ASAP1: variants seen among roughly 807,000 people sequenced by gnomAD.
ASAP1 encodes the protein ArfGAP with SH3 domain, ankyrin repeat and PH domain 1, also known as arf-GAP with SH3 domain, ANK repeat and PH domain-containing protein 1.
A neutral mutation model predicts 145.2 loss-of-function variants in ASAP1; 43 were observed. The ratio of observed to expected loss-of-function variants is 0.30; its 90% confidence interval spans 0.23 to 0.38. The LOEUF is 0.38. Ranked by LOEUF, ASAP1 falls within the 10% of genes least tolerant of loss-of-function variation. The pLI, the probability that ASAP1 is intolerant of heterozygous loss-of-function variation, is 1.00. For synonymous variants in ASAP1, 546 were observed against 515.5 expected (o/e 1.06, Z -0.80); for missense variants, 1,018 against 1,355.3 (o/e 0.75, Z 3.91).
rs941125745 is a variant in ASAP1, at chr8:130,226,336, T to G, written c.259+10586A>C. Among the ~76,000 whole-genome samples the G allele has an allele frequency of 2.0e-5, 3 of 152,190 alleles. No individual in the cohort carries two copies. The South Asian group carries it at 6.2e-4, about 31-fold the overall frequency. On this transcript the variant is annotated intron_variant, in intron 4 of 29. Transcript: ENST00000518721. ...GATTTGGGGTCTAAACTCTTTATTT[T>G]CTTATCTATAACACTAATTTGGAAA...
chr8:130,216,077 G>C (rs1292322422), intron 4 of ASAP1, among the ~76,000 whole-genome samples: 1 of 150,824 alleles, frequency 6.6e-6, no homozygotes, highest in Non-Finnish European at 1.5e-5. Context: ...AAAGGAAAGG[G>C]AAAAGGAAGA....
intron 18 of ASAP1, among the ~76,000 whole-genome samples, chr8:130,119,395 T>TA (rs1414328790): frequency 1.3e-5 from 2 of 152,224 alleles, no homozygotes; most frequent in Non-Finnish European, 2.9e-5. Context: ...ACCACATGGA[T>TA]AACATGCCCA....
chr8:130,342,248 G>C (rs923580887), intron 3 of ASAP1, among the ~76,000 whole-genome samples: 3 of 152,098 alleles, frequency 2.0e-5, no homozygotes, highest in Non-Finnish European at 4.4e-5. Context: ...AGACCTCAGA[G>C]ACACAAACTC....
At chr8:130,085,764 G>A (rs536119751) in intron 25 of ASAP1, among the ~76,000 whole-genome samples, 1 of 147,858 alleles carries the variant, frequency 6.8e-6, no homozygotes, top group Non-Finnish European at 1.5e-5. Flanking sequence ...AAGGAAAGAG[G>A]TTCAATGAAA....
rs1424943439 is a variant in ASAP1, at chr8:130,127,988, G to A, written c.1320C>T (p.Ala440=). 1 of 1,614,062 alleles carries A rather than the reference G, an allele frequency of 6.2e-7. No homozygotes were observed. Among genetic ancestry groups the A allele is most frequent in the African/African-American group, 1.3e-5 (1 of 74,994 alleles). The part of the protein sequence containing the change: ...GENSLEDLTK[A]IIEDVQRLPG... Reference sequence around the variant, plus strand: ...GGAGCCGCTGGACATCCTCAATAATGGCTTTTGTCAGGTCTTCCAGGCTGT... The same window carrying A: ...GGAGCCGCTGGACATCCTCAATAATAGCTTTTGTCAGGTCTTCCAGGCTGT... Residue 440 remains alanine (A), a synonymous_variant, in exon 16 of 30, where the codon GCC becomes GCT. Coordinates refer to ENST00000518721, the MANE Select transcript of ASAP1 (RefSeq NM_018482.4).
At chr8:130,315,507 T>C (rs1019157017) in intron 3 of ASAP1, among the ~76,000 whole-genome samples, 7 of 152,150 alleles carry the variant, frequency 4.6e-5, no homozygotes, top group African/African-American at 1.2e-4. Context: ...ACCCTACACA[T>C]TGAGCAGAGC....
chr8:130,072,824 T>TGTGTGTGCGTGTGCGCGCGCGCGC, intron 27 of ASAP1, among the ~76,000 whole-genome samples: 1 of 32,282 alleles, frequency 3.1e-5, no homozygotes, highest in African/African-American at 1.2e-4. Flanking sequence ...TGTGTGTGTG[T>TGTGTGTGCGTGTGCGCGCGCGCGC]GCGCGCGGGG....
intron 5 of ASAP1, among the ~76,000 whole-genome samples, chr8:130,202,753 C>T (rs1419825106): frequency 6.6e-6 from 1 of 152,120 alleles, no homozygotes; most frequent in Non-Finnish European, 1.5e-5. Context: ...GGTGACCTAG[C>T]TTGGGAGGTG....
intron 5 of ASAP1, among the ~76,000 whole-genome samples, chr8:130,191,073 C>A (rs1442582404): frequency 6.8e-6 from 1 of 147,258 alleles, no homozygotes; most frequent in Non-Finnish European, 1.5e-5. Context: ...TTCCACTGCT[C>A]TGCGGCAGTG....
intron 2 of ASAP1, among the ~76,000 whole-genome samples, chr8:130,374,730 G>A (rs2138325767): frequency 6.6e-6 from 1 of 152,360 alleles, no homozygotes; most frequent in South Asian, 2.1e-4. Context: ...ATCCTGACCT[G>A]TACCATGGTT....
intron 2 of ASAP1, among the ~76,000 whole-genome samples, chr8:130,370,162 C>G (rs532249960): frequency 2.2e-4 from 33 of 152,266 alleles, no homozygotes; most frequent in African/African-American, 7.2e-4. Flanking sequence ...ATTACCCAAG[C>G]ATGGTGGCGC....
intron 5 of ASAP1, among the ~76,000 whole-genome samples, chr8:130,208,333 T>C (rs1316553165): frequency 6.6e-6 from 1 of 152,194 alleles, no homozygotes; most frequent in East Asian, 1.9e-4. Flanking sequence ...TTCTGTCACA[T>C]GTATAGATAA....
At chr8:130,079,661 T>C (rs943340368) in intron 26 of ASAP1, among the ~76,000 whole-genome samples, 1 of 151,570 alleles carries the variant, frequency 6.6e-6, no homozygotes, top group Non-Finnish European at 1.5e-5. Flanking sequence ...GGTTAGCTCC[T>C]GTCTGTGAAC....
chr8:130,370,052 G>A (rs142911269), intron 2 of ASAP1, among the ~76,000 whole-genome samples: 5,270 of 152,306 alleles, frequency 0.035, 124 homozygotes, highest in Middle Eastern at 0.065. Flanking sequence ...TGTAATCCCA[G>A]CACTTTGGGA....
intron 24 of ASAP1, among the ~76,000 whole-genome samples, chr8:130,109,222 A>G (rs1357929988): frequency 1.3e-5 from 2 of 151,442 alleles, no homozygotes; most frequent in Non-Finnish European, 2.9e-5. Context: ...GGGGTTAGGC[A>G]GCGAAGTGTT....
In ASAP1 at chr8:130,107,544, A is replaced by T. The variant is rs1215047581; in HGVS notation, c.2401+4550T>A. Among the ~76,000 whole-genome samples, 10 of 99,878 alleles carry T rather than the reference A, an allele frequency of 1.0e-4. 1 individual carries two copies. Among genetic ancestry groups the T allele is most frequent in the South Asian group, 8.3e-4 (2 of 2,410 alleles). 65.5% of individuals were successfully genotyped at this position (99,878 alleles called of 152,430 possible). A position where few individuals can be genotyped will look rare whatever the true frequency, so the allele number is the denominator to read the frequency against. ...TATGTATGTATGTATGTATGTATGT[A>T]TGTATGTATGTATGTATTTTTGAGA... is the stretch of plus-strand genomic sequence containing the variant. On this transcript the variant is annotated intron_variant, in intron 24 of 29. Transcript: ENST00000518721.
chr8:130,328,505 C>A (rs774932304), intron 3 of ASAP1, among the ~76,000 whole-genome samples: 2 of 152,158 alleles, frequency 1.3e-5, no homozygotes, highest in Non-Finnish European at 2.9e-5. Flanking sequence ...ACAAACACAA[C>A]ACCTTGGCCA....
At chr8:130,381,446 A>G (rs1827765541) in intron 2 of ASAP1, among the ~76,000 whole-genome samples, 1 of 123,382 alleles carries the variant, frequency 8.1e-6, no homozygotes, top group East Asian at 2.6e-4. Context: ...TTGAAAACAT[A>G]TATTTTAGAC....
intron 5 of ASAP1, among the ~76,000 whole-genome samples, chr8:130,192,512 A>G (rs1040553131): frequency 9.2e-5 from 14 of 152,118 alleles, no homozygotes; most frequent in African/African-American, 2.9e-4. Context: ...TGAGTCCTCA[A>G]TTTCATTCTT....
Sources: gnomAD v4.1 joint callset for allele counts (sites outside exome capture counted in the v4.1 genomes callset) on GRCh38, gnomAD v4.1.1 for gene constraint, MANE v1.5 for transcripts, NCBI Gene and HGNC (gene_info 2026-07-23, HGNC 2026-07-21) for gene names.